The following NRG1 variants were observed in gnomAD, a reference collection of about 807,000 sequenced individuals.
NRG1 encodes neuregulin 1, also known as pro-neuregulin-1, membrane-bound isoform.
In NRG1, 18 loss-of-function variants were observed where a neutral mutation model predicts 63.8. The ratio of observed to expected loss-of-function variants is 0.28; its 90% CI spans 0.19 to 0.42. The LOEUF (loss-of-function observed/expected upper bound fraction) is 0.42, where lower values mean the gene tolerates loss of function less well. Ranked by LOEUF, NRG1 falls within the 10% of genes least tolerant of loss-of-function variation. NRG1 has a pLI of 1.00. For missense variants in NRG1, 762 were observed against 814.7 expected (o/e 0.94, Z 0.79); for synonymous variants, 302 against 301.3 (o/e 1.00, Z -0.02).
intron 1 of NRG1, among the ~76,000 whole-genome samples, chr8:32,447,894 A>T (rs13439435): frequency 0.31 from 46,929 of 151,378 alleles, 7,482 homozygotes; most frequent in South Asian, 0.35. Context: ...TCTATAACGG[A>T]TTGCATGGTA....
intron 1 of NRG1, among the ~76,000 whole-genome samples, chr8:31,853,805 A>G (rs1471163304): frequency 1.3e-5 from 2 of 151,978 alleles, no homozygotes; most frequent in Admixed American, 1.3e-4. Context: ...TAATTTGTTG[A>G]GAGTTTTTAG....
intron 1 of NRG1, among the ~76,000 whole-genome samples, chr8:31,957,598 A>G (rs566508898): frequency 6.7e-6 from 1 of 149,010 alleles, no homozygotes; most frequent in Non-Finnish European, 1.5e-5. Flanking sequence ...TCAACATGTC[A>G]TTAATGTAAA....
chr8:31,864,046 C>T (rs913115374), intron 1 of NRG1, among the ~76,000 whole-genome samples: 1 of 152,246 alleles, frequency 6.6e-6, no homozygotes, highest in Admixed American at 6.5e-5. Context: ...GTAATATAAA[C>T]ATGGAAATAG....
intron 1 of NRG1, among the ~76,000 whole-genome samples, chr8:31,759,948 T>C (rs1463569578): frequency 6.6e-6 from 1 of 152,110 alleles, no homozygotes; most frequent in Admixed American, 6.6e-5. Flanking sequence ...TTCACAAGCG[T>C]TTTCTAGTCT....
intron 1 of NRG1, among the ~76,000 whole-genome samples, chr8:31,705,354 G>GTTTTTA (rs1811051377): frequency 6.6e-6 from 1 of 151,934 alleles, no homozygotes; most frequent in South Asian, 2.1e-4. Flanking sequence ...GCCTGTTTTT[G>GTTTTTA]TTTTTATTTT....
At position 32,497,165 on chromosome 8, in the gene NRG1, G is replaced by A. The variant is rs569956441; in HGVS notation, c.38-98663G>A. Reference sequence around the variant, plus strand: ...AATTTATCAGAAATAGCAAAATTTCGCCCAGGCACGGTGGCTCACGCCTGT... The same window carrying A: ...AATTTATCAGAAATAGCAAAATTTCACCCAGGCACGGTGGCTCACGCCTGT... On this transcript the variant is annotated intron_variant, in intron 1 of 10. Transcript: ENST00000519301. Among the ~76,000 whole-genome samples, 43 of 152,102 alleles carry A rather than the reference G, an allele frequency of 2.8e-4. No individual in the cohort carries two copies. In the East Asian group the frequency reaches 6.8e-3, roughly 24 times the overall value.
chr8:32,482,622 G>A (rs1825441021), intron 1 of NRG1, among the ~76,000 whole-genome samples: 1 of 152,110 alleles, frequency 6.6e-6, no homozygotes, highest in African/African-American at 2.4e-5. Context: ...CCATTCCAAG[G>A]ACTATGGGGT....
chr8:32,274,010 C>T (rs1006762028), intron 1 of NRG1, among the ~76,000 whole-genome samples: 3 of 152,152 alleles, frequency 2.0e-5, no homozygotes, highest in African/African-American at 7.2e-5. Flanking sequence ...TTTTCACAAA[C>T]ATTCCTTATA....
At chr8:31,728,852 T>C (rs1813723308) in intron 1 of NRG1, among the ~76,000 whole-genome samples, 1 of 152,210 alleles carries the variant, frequency 6.6e-6, no homozygotes, top group African/African-American at 2.4e-5. Flanking sequence ...AATAATGTTC[T>C]GTTTCAAAAC....
chr8:31,766,928 A>G (rs1254842371), intron 1 of NRG1, among the ~76,000 whole-genome samples: 6 of 152,226 alleles, frequency 3.9e-5, no homozygotes, highest in South Asian at 2.1e-4. Flanking sequence ...TTTGTTCCAC[A>G]TGGTCATCTG....
intron 1 of NRG1, among the ~76,000 whole-genome samples, chr8:32,155,644 T>C (rs1459664871): frequency 2.6e-5 from 4 of 152,204 alleles, no homozygotes; most frequent in Non-Finnish European, 5.9e-5. Context: ...TGTTCATCCT[T>C]GCTTCCATCA....
intron 5 of NRG1, among the ~76,000 whole-genome samples, chr8:32,683,436 T>C (rs1166369392): frequency 6.6e-6 from 1 of 152,188 alleles, no homozygotes; most frequent in Non-Finnish European, 1.5e-5. Flanking sequence ...AATCTCCCTC[T>C]AACAAAAGAG....
intron 1 of NRG1, among the ~76,000 whole-genome samples, chr8:32,495,494 C>G (rs933879466): frequency 2.0e-5 from 3 of 152,176 alleles, no homozygotes; most frequent in African/African-American, 7.2e-5. Context: ...CAGAGTTTCA[C>G]TCTTGTTGCC....
At chr8:31,943,468 A>C (rs1032182529) in intron 1 of NRG1, among the ~76,000 whole-genome samples, 2 of 152,104 alleles carry the variant, frequency 1.3e-5, no homozygotes, top group African/African-American at 4.8e-5. Context: ...CCAAAATTTC[A>C]GAAATCACTA....
chr8:32,376,728 G>A, intron 1 of NRG1, among the ~76,000 whole-genome samples: 1 of 152,202 alleles, frequency 6.6e-6, no homozygotes. Context: ...TTCTGTCCCT[G>A]AGGCCCTGAA....
chr8:31,651,784 AT>A (rs1242387149), intron 1 of NRG1, among the ~76,000 whole-genome samples: 1 of 149,264 alleles, frequency 6.7e-6, no homozygotes, highest in African/African-American at 2.5e-5. Context: ...GGCTAGGTCC[AT>A]TTTTTTTTTC....
chr8:31,795,453 G>A (rs1821108924), intron 1 of NRG1, among the ~76,000 whole-genome samples: 3 of 152,192 alleles, frequency 2.0e-5, no homozygotes, highest in Non-Finnish European at 4.4e-5. Context: ...CAGCAATTAA[G>A]CAGATTTCAG....
intron 1 of NRG1, among the ~76,000 whole-genome samples, chr8:31,978,798 T>C (rs1808606524): frequency 6.6e-5 from 10 of 152,166 alleles, no homozygotes; most frequent in Admixed American, 4.6e-4. Flanking sequence ...TGTTTAAAAA[T>C]GTAAGAATTA....
intron 1 of NRG1, among the ~76,000 whole-genome samples, chr8:31,834,371 G>A (rs1825502226): frequency 6.6e-6 from 1 of 151,618 alleles, no homozygotes; most frequent in African/African-American, 2.4e-5. Context: ...TTAGACGAAA[G>A]CATAAAATCA....
Sources: gnomAD v4.1 joint callset for allele counts (sites outside exome capture counted in the v4.1 genomes callset) on GRCh38, gnomAD v4.1.1 for gene constraint, MANE v1.5 for transcripts, NCBI Gene and HGNC (gene_info 2026-07-23, HGNC 2026-07-21) for gene names.